Variants in MAN1A1 observed in about 807,000 individuals in gnomAD.
MAN1A1 encodes the protein mannosyl-oligosaccharide 1,2-alpha-mannosidase IA.
MAN1A1 carries 29 observed loss-of-function variants against 70.8 expected under a neutral mutation model. The ratio of observed to expected loss-of-function variants is 0.41; its 90% CI spans 0.31 to 0.56. The LOEUF is 0.56. Ranked by LOEUF, MAN1A1 falls within the 20% of genes least tolerant of loss-of-function variation. The pLI, the probability that MAN1A1 is intolerant of heterozygous loss-of-function variation, is 0.29. For synonymous variants in MAN1A1, 349 were observed against 330.1 expected, an observed-to-expected ratio of 1.06 and a Z score of -0.62; for missense variants, 747 against 841.3, an observed-to-expected ratio of 0.89 and a Z score of 1.39.
At chr6:119,244,035 G>T (rs747965124) in intron 6 of MAN1A1, among the ~76,000 whole-genome samples, 27 of 152,008 alleles carry the variant, frequency 1.8e-4, no homozygotes, top group Non-Finnish European at 3.1e-4. Flanking sequence ...TATTAGGAAT[G>T]CCCAGACTGT....
chr6:119,325,531 C>T (rs1166525763), intron 2 of MAN1A1, among the ~76,000 whole-genome samples: 2 of 152,046 alleles, frequency 1.3e-5, no homozygotes, highest in Non-Finnish European at 2.9e-5. Flanking sequence ...GTGGCATGCA[C>T]CTGTAATCCC....
At chr6:119,306,850 TG>T in intron 3 of MAN1A1, 45 bp downstream of exon 3, 1 of 1,325,654 alleles carries the variant, frequency 7.5e-7, no homozygotes, top group Non-Finnish European at 1.1e-6. Context: ...CTCAAGCAAT[TG>T]GGGAGAAGTT....
chr6:119,241,775 C>T (rs958123532), intron 6 of MAN1A1, among the ~76,000 whole-genome samples: 2 of 152,054 alleles, frequency 1.3e-5, no homozygotes, highest in African/African-American at 4.8e-5. Context: ...GGATTTAAAA[C>T]AATGATTCTT....
chr6:119,309,742 A>G (rs554908854), intron 2 of MAN1A1, among the ~76,000 whole-genome samples: 15 of 152,340 alleles, frequency 9.8e-5, no homozygotes, highest in Admixed American at 9.8e-4. Flanking sequence ...CGCTGTGTGA[A>G]AGGAAACAAA....
At chr6:119,343,102 T>A (rs1773640730) in intron 2 of MAN1A1, among the ~76,000 whole-genome samples, 1 of 151,684 alleles carries the variant, frequency 6.6e-6, no homozygotes, top group Admixed American at 6.6e-5. Context: ...ATTACTATAA[T>A]TGACTTAAAA....
At chr6:119,258,018 C>A (rs1775507279) in intron 5 of MAN1A1, among the ~76,000 whole-genome samples, 1 of 152,014 alleles carries the variant, frequency 6.6e-6, no homozygotes, top group African/African-American at 2.4e-5. Context: ...CATTTCACAT[C>A]AAAAGGAAGA....
intron 2 of MAN1A1, among the ~76,000 whole-genome samples, chr6:119,344,010 T>G (rs1226949555): frequency 6.6e-6 from 1 of 152,206 alleles, no homozygotes; most frequent in Non-Finnish European, 1.5e-5. Flanking sequence ...CCACAGCTTA[T>G]GAAATAATCT....
intron 6 of MAN1A1, among the ~76,000 whole-genome samples, chr6:119,205,696 A>C (rs1773840702): frequency 6.6e-6 from 1 of 152,232 alleles, no homozygotes; most frequent in South Asian, 2.1e-4. Flanking sequence ...ATTTCTGAAG[A>C]GCCACTTAAC....
At chr6:119,234,574 C>T (rs1007985388) in intron 6 of MAN1A1, among the ~76,000 whole-genome samples, 11 of 151,950 alleles carry the variant, frequency 7.2e-5, no homozygotes, top group African/African-American at 2.4e-4. Context: ...CCACCATGCC[C>T]GGCTAATTTT....
At chr6:119,342,837 T>G (rs928962906) in intron 2 of MAN1A1, among the ~76,000 whole-genome samples, 1 of 152,188 alleles carries the variant, frequency 6.6e-6, no homozygotes, top group Non-Finnish European at 1.5e-5. Flanking sequence ...AAGCAGCCCT[T>G]CTAGTCATCA....
chr6:119,187,361 T>G (rs1773318747), intron 11 of MAN1A1, among the ~76,000 whole-genome samples: 1 of 152,128 alleles, frequency 6.6e-6, no homozygotes, highest in Non-Finnish European at 1.5e-5. Context: ...ACTTTAACAT[T>G]TTCTCCAGAG....
Position 119,348,970 on chromosome 6 carries a change from G to A in MAN1A1, c.96C>T (p.Gly32=). 2 of 1,506,200 alleles carry A rather than the reference G, an allele frequency of 1.3e-6. No individual in the cohort carries two copies. The highest frequency in any genetic ancestry group is 2.2e-5 in the Admixed American group (1 of 46,070). 93.3% of individuals were successfully genotyped at this position (1,506,200 alleles called of 1,614,324 possible). The part of the protein sequence containing the change: ...LGGGGGRKGS[G]PAALRLTEKF... ...TCTCCGTCAGGCGGAGGGCGGCGGGGCCCGACCCCTTCCTGCCACCGCCGC... is the reference window on the plus strand; with the variant it reads ...TCTCCGTCAGGCGGAGGGCGGCGGGACCCGACCCCTTCCTGCCACCGCCGC... Residue 32 remains glycine, a synonymous_variant, in exon 2 of 13, where the codon GGC becomes GGT. Coordinates refer to ENST00000368468, the MANE Select transcript of MAN1A1 (RefSeq NM_005907.4).
chr6:119,313,897 G>A (rs1772777987), intron 2 of MAN1A1, among the ~76,000 whole-genome samples: 1 of 149,394 alleles, frequency 6.7e-6, no homozygotes, highest in Non-Finnish European at 1.5e-5. Context: ...AATGGGAAAC[G>A]TGACAAAACG....
intron 5 of MAN1A1, among the ~76,000 whole-genome samples, chr6:119,262,564 T>C (rs867523125): frequency 1.6e-4 from 24 of 152,258 alleles, no homozygotes; most frequent in Middle Eastern, 6.8e-3. Flanking sequence ...TTGTGGAAAG[T>C]AGTTTGGTGA....
At chr6:119,305,204 G>C (rs1273693376) in intron 3 of MAN1A1, among the ~76,000 whole-genome samples, 1 of 152,058 alleles carries the variant, frequency 6.6e-6, no homozygotes, top group African/African-American at 2.4e-5. Flanking sequence ...TCAGGCCTAA[G>C]AGACCTAGTA....
At chr6:119,196,871 T>G (rs1773582260) in intron 8 of MAN1A1, among the ~76,000 whole-genome samples, 1 of 152,164 alleles carries the variant, frequency 6.6e-6, no homozygotes, top group Admixed American at 6.5e-5. Context: ...AAATACTCTG[T>G]GTACAGACAG....
At chr6:119,308,142 G>A (rs562892996) in intron 2 of MAN1A1, among the ~76,000 whole-genome samples, 2 of 152,118 alleles carry the variant, frequency 1.3e-5, no homozygotes, top group South Asian at 4.1e-4. Context: ...CCATTGTTAG[G>A]GAGATGAAGA....
chr6:119,277,087 T>C (rs190453595), intron 5 of MAN1A1, among the ~76,000 whole-genome samples: 200 of 152,324 alleles, frequency 1.3e-3, no homozygotes, highest in African/African-American at 4.5e-3. Context: ...AAATATCAAT[T>C]GTTAAGTTAA....
At chr6:119,251,730 T>C (rs1775323149) in intron 5 of MAN1A1, among the ~76,000 whole-genome samples, 1 of 152,258 alleles carries the variant, frequency 6.6e-6, no homozygotes, top group Non-Finnish European at 1.5e-5. Context: ...CACTGCCTAT[T>C]ATACAGATCT....
Sources: gnomAD v4.1 joint callset for allele counts (sites outside exome capture counted in the v4.1 genomes callset) on GRCh38, gnomAD v4.1.1 for gene constraint, MANE v1.5 for transcripts, NCBI Gene and HGNC (gene_info 2026-07-23, HGNC 2026-07-21) for gene names.